The following KIAA0319L variants were observed in gnomAD, a reference collection of about 807,000 sequenced individuals.
The protein encoded by KIAA0319L is KIAA0319 like, also known as dyslexia-associated protein KIAA0319-like protein.
KIAA0319L carries 55 observed loss-of-function variants against 120.1 expected under a neutral mutation model. The observed-to-expected ratio is 0.46, with a 90% CI of 0.37 to 0.57. The LOEUF (loss-of-function observed/expected upper bound fraction) is 0.57. Ranked by LOEUF, KIAA0319L falls within the 20% of genes least tolerant of loss-of-function variation. The pLI is 0.00. For synonymous variants in KIAA0319L, 398 were observed against 471.9 expected (o/e 0.84, Z 2.03); for missense variants, 1,049 against 1,255.3 (o/e 0.84, Z 2.48).
rs1460594385 is a variant in KIAA0319L, at chr1:35,433,636, G to C, written c.*1258C>G. The C allele has an allele frequency of 6.6e-6, 1 of 152,270 alleles. No individual in the cohort carries two copies. Among genetic ancestry groups the C allele is most frequent in the African/African-American group, 2.4e-5 (1 of 41,456 alleles). The allele number at this position is 152,270 out of a possible 1,614,324, so 9.4% of individuals were successfully genotyped here. A position where few individuals can be genotyped will look rare whatever the true frequency, so the allele number is the denominator to read the frequency against. On this transcript the variant is annotated 3_prime_UTR_variant, in exon 21 of 21. Transcript: ENST00000325722. ...CATGGTGGAACAGGGCCAGGGTGAG[G>C]GGGACTCAGGAAGTCTTGGTTCCAA...
At position 35,475,452 on chromosome 1, in the gene KIAA0319L, T is replaced by C. The variant is rs566706879; in HGVS notation, c.914-546A>G. Among the ~76,000 whole-genome samples the C allele has an allele frequency of 1.1e-4, 17 of 152,276 alleles. 1 individual carries two copies. The South Asian group carries it at 3.5e-3, about 32-fold the overall frequency. Reference sequence around the variant, plus strand: ...TCCATTCCAATTGCTACAAGATTCATTGTTCACACTAGATTATTCCAAGAA... The same window carrying C: ...TCCATTCCAATTGCTACAAGATTCACTGTTCACACTAGATTATTCCAAGAA... On this transcript the variant is annotated intron_variant, in intron 4 of 20. Coordinates refer to ENST00000325722, the MANE Select transcript of KIAA0319L (RefSeq NM_024874.5).
rs554333446 is a variant in KIAA0319L, at chr1:35,503,866, T to C, written c.666+2746A>G. Among the ~76,000 whole-genome samples the C allele has an allele frequency of 3.3e-5, 5 of 151,942 alleles. No homozygotes were observed. The South Asian group carries it at 1.0e-3, about 32-fold the overall frequency. On this transcript the variant is annotated intron_variant, in intron 3 of 20. Transcript: ENST00000325722. ...CCACTTCCACTTAATGAATACTAAG[T>C]ATATTTTCCCTTGTGATTTTCTTTT...
At chr1:35,450,175 G>C (rs1292594644) in intron 14 of KIAA0319L, among the ~76,000 whole-genome samples, 170 bp from the exon 15 acceptor site, 1 of 152,190 alleles carries the variant, frequency 6.6e-6, no homozygotes, top group Non-Finnish European at 1.5e-5. Context: ...ATCAGGGAAG[G>C]GAAACCCATT....
chr1:35,530,984 G>A (rs1249661798), intron 2 of KIAA0319L, among the ~76,000 whole-genome samples: 1 of 152,218 alleles, frequency 6.6e-6, no homozygotes, highest in Non-Finnish European at 1.5e-5. Context: ...CAGGGTGCGT[G>A]AAAGTGTGCA....
intron 18 of KIAA0319L, 140 bp from the exon 19 acceptor site, chr1:35,442,476 G>T: frequency 1.4e-6 from 1 of 694,278 alleles, no homozygotes; most frequent in Non-Finnish European, 2.6e-6. Context: ...AGACCTTGGA[G>T]TTAAGGGCAG....
Position 35,434,898 on chromosome 1 carries a change from A to G in KIAA0319L, c.3146T>C (p.Leu1049Pro). Residue 1049 changes from leucine to proline, a missense_variant, in exon 21 of 21, where the codon CTG (leucine) becomes CCG (proline). By Grantham distance (98) the Leu-to-Pro change is moderately conservative. Coordinates refer to ENST00000325722, the MANE Select transcript of KIAA0319L (RefSeq NM_024874.5). ...LKARSPREEIL is the reference protein window; with the variant it reads ...LKARSPREEIP ...CTGAGGAGACAGACCAGGTGGCTAC[A>G]GGATCTCCTCCCGCGGGCTCCTGGC... is the stretch of plus-strand genomic sequence containing the variant. 1 of 1,612,160 alleles carries G rather than the reference A, an allele frequency of 6.2e-7. No homozygotes were observed. Among genetic ancestry groups the G allele is most frequent in the Non-Finnish European group, 8.5e-7 (1 of 1,179,790 alleles).
At chr1:35,550,624 T>C (rs1647165533) in intron 2 of KIAA0319L, among the ~76,000 whole-genome samples, 1 of 152,222 alleles carries the variant, frequency 6.6e-6, no homozygotes, top group Non-Finnish European at 1.5e-5. Context: ...ATTACATAAT[T>C]TTTTCTTCTT....
intron 3 of KIAA0319L, among the ~76,000 whole-genome samples, chr1:35,486,027 A>G (rs1644372461): frequency 6.6e-6 from 1 of 152,226 alleles, no homozygotes; most frequent in Admixed American, 6.5e-5. Context: ...AGGTAAGGAC[A>G]GATGGGAAAC....
At chr1:35,486,953 C>A (rs956424854) in intron 3 of KIAA0319L, among the ~76,000 whole-genome samples, 2 of 152,100 alleles carry the variant, frequency 1.3e-5, no homozygotes, top group African/African-American at 4.8e-5. Flanking sequence ...TCTGAACATA[C>A]ATATGATAGC....
chr1:35,533,850 G>T (rs1216615745), intron 2 of KIAA0319L, among the ~76,000 whole-genome samples: 1 of 152,112 alleles, frequency 6.6e-6, no homozygotes, highest in African/African-American at 2.4e-5. Context: ...CCTCCCTTTT[G>T]ACTGTCAGCA....
intron 2 of KIAA0319L, 105 bp from the exon 3 acceptor site, chr1:35,507,240 T>C: frequency 1.7e-6 from 2 of 1,167,590 alleles, no homozygotes; most frequent in Non-Finnish European, 1.2e-6. Context: ...GAAGACGAGT[T>C]TTTAAGAGGG....
At chr1:35,536,797 G>A (rs1349901871) in intron 2 of KIAA0319L, among the ~76,000 whole-genome samples, 1 of 150,796 alleles carries the variant, frequency 6.6e-6, no homozygotes, top group Non-Finnish European at 1.5e-5. Flanking sequence ...AAAGTCACCT[G>A]TTCAGAAACA....
intron 18 of KIAA0319L, among the ~76,000 whole-genome samples, chr1:35,442,607 T>C (rs554568159): frequency 7.2e-5 from 11 of 152,318 alleles, no homozygotes; most frequent in African/African-American, 2.6e-4. Context: ...AGGGCTTCCA[T>C]TAGGCTACAG....
chr1:35,553,900 G>A lies in KIAA0319L; in HGVS notation c.142+450C>T, dbSNP rs1199925685. On this transcript the variant is annotated intron_variant, in intron 2 of 20. Transcript: ENST00000325722. ...TAAGGAACGCATTTTTCCCATAAGTGTAGATTCCTTTAGGAAAGGAAAGGA... is the reference window on the plus strand; with the variant it reads ...TAAGGAACGCATTTTTCCCATAAGTATAGATTCCTTTAGGAAAGGAAAGGA... 7.2e-5 allele frequency among the ~76,000 whole-genome samples: 11 copies of A among 152,164 alleles called. 1 individual carries two copies. Among genetic ancestry groups the A allele is most frequent in the Admixed American group, 7.2e-4 (11 of 15,274 alleles).
At position 35,435,064 on chromosome 1, in the gene KIAA0319L, G is replaced by C. The variant is rs1408921467; in HGVS notation, c.2980C>G (p.Leu994Val). The change falls in exon 21 of 21, where the codon CTT becomes GTT. Residue 994 changes from leucine (L) to valine (V), a missense_variant. Transcript: ENST00000325722. ...TSRAGIKQKG[L>V]LLSSSLMHSE... is the part of the protein sequence containing the mutation. ...TGCATCAGGCTGCTACTTAGCAAAA[G>C]GCCTTTCTGTTTGATGCCTGCAGGG... The C allele has an allele frequency of 2.5e-6, 4 of 1,613,958 alleles. No individual in the cohort carries two copies. In the African/African-American group the frequency reaches 5.3e-5, roughly 22 times the overall value.
At chr1:35,439,890 AACTGATGTAAGCTC>A (rs1279789998) in intron 20 of KIAA0319L, 80 of 152,350 alleles carry the variant, frequency 5.3e-4, no homozygotes, top group African/African-American at 1.9e-3. Flanking sequence ...CAGAAAAGCA[AACTGATGTAAGCTC>A]ACAAAGGCCA....
chr1:35,526,386 TAC>T (rs1229727684), intron 2 of KIAA0319L, among the ~76,000 whole-genome samples: 17 of 118,236 alleles, frequency 1.4e-4, no homozygotes, highest in African/African-American at 6.4e-4. Context: ...TATATATACA[TAC>T]ATATATATAT....
chr1:35,454,704 A>G, intron 10 of KIAA0319L: 1 of 1,185,750 alleles, frequency 8.4e-7, no homozygotes, highest in Non-Finnish European at 1.1e-6. Flanking sequence ...TCTCTGACAC[A>G]GCAGCAGTTT....
chr1:35,453,442 A>G lies in KIAA0319L; in HGVS notation c.1913+115T>C. ...TTGGAATTGCAAACATTTCTTCCTC[A>G]GTCACCCCACTGGATAAGCCAATAA... On this transcript the variant is annotated intron_variant, in intron 12 of 20. Coordinates refer to ENST00000325722, the MANE Select transcript of KIAA0319L (RefSeq NM_024874.5). This position sits in a 1 kb window ranked among gnomAD's most constrained non-coding sequence, Gnocchi z 4.1. 1.2e-6 allele frequency: 1 copy of G among 844,692 alleles called. No homozygotes were observed. The highest frequency in any genetic ancestry group is 2.5e-5 in the East Asian group (1 of 39,446). 52.3% of individuals were successfully genotyped at this position (844,692 alleles called of 1,614,324 possible). A position where few individuals can be genotyped will look rare whatever the true frequency, so the allele number is the denominator to read the frequency against.
Sources: allele counts gnomAD v4.1 joint callset (sites outside exome capture counted in the v4.1 genomes callset), GRCh38; gene constraint gnomAD v4.1.1; non-coding constraint Gnocchi (gnomAD v3.1); transcripts MANE v1.5; gene names NCBI Gene and HGNC (gene_info 2026-07-23, HGNC 2026-07-21).